The following FAM81B variants were observed in gnomAD, a reference collection of about 807,000 sequenced individuals.
FAM81B encodes the protein family with sequence similarity 81 member B.
In FAM81B, 60 loss-of-function variants were observed where a neutral mutation model predicts 58.7. That is an observed-to-expected ratio of 1.02 (90% CI 0.83 to 1.27). FAM81B has a LOEUF of 1.27. FAM81B is among the 50% of genes most tolerant of loss of function. The pLI is 0.00. For synonymous variants in FAM81B, 189 were observed against 179.6 expected (o/e 1.05, Z -0.42); for missense variants, 491 against 522.0 (o/e 0.94, Z 0.58).
At chr5:95,412,060 T>C (rs1230612158) in intron 3 of FAM81B, among the ~76,000 whole-genome samples, 1 of 152,108 alleles carries the variant, frequency 6.6e-6, no homozygotes, top group Non-Finnish European at 1.5e-5. Flanking sequence ...GGATACATTA[T>C]GGGCAATTGC....
At position 95,447,512 on chromosome 5, in the gene FAM81B, G is replaced by A. The variant is rs137932421; in HGVS notation, c.1030-757G>A. 7.9e-5 allele frequency among the ~76,000 whole-genome samples: 12 copies of A among 152,330 alleles called. 1 individual carries two copies. The highest frequency in any genetic ancestry group is 2.9e-4 in the African/African-American group (12 of 41,576). ...GTGGGACTGCTAGCTCTTCACTCCT[G>A]AATTAGGCAGATTCCTTTACCAGTT... On this transcript the variant is annotated intron_variant, in intron 8 of 9. Coordinates refer to ENST00000283357, the MANE Select transcript of FAM81B (RefSeq NM_152548.3).
chr5:95,405,473 T>C (rs975067729), intron 3 of FAM81B, among the ~76,000 whole-genome samples: 2 of 152,234 alleles, frequency 1.3e-5, no homozygotes, highest in Non-Finnish European at 2.9e-5. Context: ...ACTTACTTTT[T>C]ACGTTTTCTA....
At chr5:95,423,324 T>G (rs1274304773) in intron 5 of FAM81B, among the ~76,000 whole-genome samples, 2 of 152,182 alleles carry the variant, frequency 1.3e-5, no homozygotes, top group Non-Finnish European at 2.9e-5. Flanking sequence ...AGCCTGCTTT[T>G]GATACCCTGT....
intron 7 of FAM81B, among the ~76,000 whole-genome samples, chr5:95,437,529 C>T (rs1052394879): frequency 2.0e-5 from 3 of 152,040 alleles, no homozygotes; most frequent in African/African-American, 4.8e-5. Flanking sequence ...TAGTAGAGAC[C>T]GGGTTTCTCC....
chr5:95,400,694 C>T (rs754612006), intron 3 of FAM81B, among the ~76,000 whole-genome samples: 1 of 152,082 alleles, frequency 6.6e-6, no homozygotes, highest in Non-Finnish European at 1.5e-5. Flanking sequence ...TTGTACAAGA[C>T]ATATTTACAA....
chr5:95,448,914 T>C, intron 9 of FAM81B: 1 of 325,910 alleles, frequency 3.1e-6, no homozygotes, highest in Non-Finnish European at 6.0e-6. Flanking sequence ...GAGGGATGAA[T>C]TAGCAGAGTC....
intron 7 of FAM81B, chr5:95,440,493 G>C (rs878955085): frequency 3.1e-5 from 19 of 608,292 alleles, no homozygotes; most frequent in South Asian, 2.7e-4. Context: ...CAGAGGGTTT[G>C]CCTGTTGCTT....
Position 95,448,360 on chromosome 5 carries a change from TAAGTA to T in FAM81B, c.1130_1134del (p.Val377AlafsTer5), listed in dbSNP as rs746265983. The T allele has an allele frequency of 3.7e-6, 6 of 1,612,810 alleles. No homozygotes were observed. Among genetic ancestry groups the T allele is most frequent in the Admixed American group, 1.7e-5 (1 of 59,840 alleles). ...AACACACAGAAACAGGAAACACAAC[TAAGTA>T]AAGTAAAGCATATGGAAAATAAATT... On this transcript the variant is annotated frameshift_variant, in exon 9 of 10. Transcript: ENST00000283357. LOFTEE classifies it high-confidence loss of function.
intron 1 of FAM81B, 149 bp downstream of exon 1, chr5:95,391,662 A>AT: frequency 1.2e-6 from 1 of 819,456 alleles, no homozygotes; most frequent in Non-Finnish European, 1.7e-6. Context: ...CAAATGTACA[A>AT]GAAAAAAAAA....
At chr5:95,393,938 T>A (rs921795577) in intron 2 of FAM81B, among the ~76,000 whole-genome samples, 1 of 152,178 alleles carries the variant, frequency 6.6e-6, no homozygotes, top group Admixed American at 6.5e-5. Flanking sequence ...AATAACATCC[T>A]AGCTTATAGG....
intron 3 of FAM81B, among the ~76,000 whole-genome samples, chr5:95,403,678 C>G (rs993970005): frequency 5.3e-5 from 8 of 152,108 alleles, no homozygotes; most frequent in Non-Finnish European, 1.2e-4. Flanking sequence ...TCACAAGATG[C>G]CTTTGGTAGT....
At chr5:95,434,901 T>C (rs1272350209) in intron 6 of FAM81B, among the ~76,000 whole-genome samples, 1 of 152,248 alleles carries the variant, frequency 6.6e-6, no homozygotes, top group Non-Finnish European at 1.5e-5. Context: ...CCAGATCCTT[T>C]GCGAAGCAAA....
chr5:95,440,487 G>A (rs1179936253), intron 7 of FAM81B: 3 of 614,660 alleles, frequency 4.9e-6, no homozygotes, highest in Non-Finnish European at 9.4e-6. Context: ...ATCAAACAGA[G>A]GGTTTGCCTG....
At chr5:95,442,705 G>A (rs1198993438) in intron 7 of FAM81B, among the ~76,000 whole-genome samples, 2 of 152,158 alleles carry the variant, frequency 1.3e-5, no homozygotes, top group Non-Finnish European at 2.9e-5. Context: ...TATCAGAGTG[G>A]AGGCAGAATT....
chr5:95,424,600 A>C (rs1341190159), intron 5 of FAM81B, among the ~76,000 whole-genome samples: 1 of 152,198 alleles, frequency 6.6e-6, no homozygotes, highest in Non-Finnish European at 1.5e-5. Flanking sequence ...GGAACCTAGA[A>C]AGCAGATGGA....
At chr5:95,438,447 G>T (rs1339942995) in intron 7 of FAM81B, among the ~76,000 whole-genome samples, 1 of 152,068 alleles carries the variant, frequency 6.6e-6, no homozygotes, top group African/African-American at 2.4e-5. Context: ...AAGTGGAAAA[G>T]AGAGAAAAAG....
At chr5:95,436,655 T>C in intron 6 of FAM81B, 145 bp from the exon 7 acceptor site, 2 of 665,032 alleles carry the variant, frequency 3.0e-6, no homozygotes, top group Non-Finnish European at 2.7e-6. Context: ...AGTGCAATCA[T>C]GCTTTAGGTT....
rs185700864 is a variant in FAM81B, at chr5:95,428,305, A to G, written c.657-298A>G. 3.8e-3 allele frequency among the ~76,000 whole-genome samples: 578 copies of G among 152,292 alleles called. 4 individuals are homozygous for G. The highest frequency in any genetic ancestry group is 7.7e-3 in the South Asian group (37 of 4,822). ...ATCAAAATTTGCTATAACTCCTATGACTAAGTTAATATCAAGCTGAAAATG... is the reference window on the plus strand; with the variant it reads ...ATCAAAATTTGCTATAACTCCTATGGCTAAGTTAATATCAAGCTGAAAATG... On this transcript the variant is annotated intron_variant, in intron 5 of 9. Transcript: ENST00000283357.
In FAM81B at chr5:95,437,407, G is replaced by A. The variant is rs1027672597; in HGVS notation, c.893+501G>A. Among the ~76,000 whole-genome samples the A allele has an allele frequency of 7.9e-5, 12 of 152,168 alleles. 1 individual carries two copies. Among genetic ancestry groups the A allele is most frequent in the Non-Finnish European group, 1.2e-4 (8 of 68,010 alleles). On this transcript the variant is annotated intron_variant, in intron 7 of 9. Transcript: ENST00000283357. ...GTCGCCCAGGCTGGAGTGCAGTGGC[G>A]CGTCTCTGCTTACTGCAAGCTCCGT...
Sources: gnomAD v4.1 joint callset for allele counts (sites outside exome capture counted in the v4.1 genomes callset) on GRCh38, gnomAD v4.1.1 for gene constraint, MANE v1.5 for transcripts, NCBI Gene and HGNC (gene_info 2026-07-23, HGNC 2026-07-21) for gene names.